ENPP6: variants seen among roughly 807,000 people sequenced by gnomAD.
ENPP6 encodes the protein glycerophosphocholine cholinephosphodiesterase ENPP6.
In ENPP6, 32 loss-of-function variants were observed where a neutral mutation model predicts 42.0. That is an observed-to-expected ratio of 0.76 (90% CI 0.58 to 1.02). ENPP6 has a LOEUF of 1.02. ENPP6 is among the 50% of genes least tolerant of loss of function. The pLI, the probability that ENPP6 is intolerant of heterozygous loss-of-function variation, is 0.00. For missense variants in ENPP6, 552 were observed against 566.8 expected, an observed-to-expected ratio of 0.97 and a Z score of 0.27; for synonymous variants, 213 against 216.0, an observed-to-expected ratio of 0.99 and a Z score of 0.12.
At chr4:184,186,766 G>A (rs761271829) in intron 1 of ENPP6, among the ~76,000 whole-genome samples, 22 of 152,148 alleles carry the variant, frequency 1.4e-4, no homozygotes, top group Non-Finnish European at 2.6e-4. Flanking sequence ...CATTTGCCCC[G>A]CCGTGGCCTG....
intron 1 of ENPP6, among the ~76,000 whole-genome samples, chr4:184,206,006 C>T (rs1208210463): frequency 1.3e-5 from 2 of 152,098 alleles, no homozygotes; most frequent in Non-Finnish European, 2.9e-5. Context: ...GACACTGTTC[C>T]AAACAGAAGC....
chr4:184,161,857 G>A (rs939457906), intron 1 of ENPP6, among the ~76,000 whole-genome samples: 5 of 150,754 alleles, frequency 3.3e-5, no homozygotes, highest in African/African-American at 4.9e-5. Flanking sequence ...TAAGAAAGAT[G>A]TAATGGACTT....
At chr4:184,206,326 C>G (rs2310002) in intron 1 of ENPP6, among the ~76,000 whole-genome samples, 3 of 106,414 alleles carry the variant, frequency 2.8e-5, no homozygotes, top group Admixed American at 1.1e-4. Context: ...GGCGCGATCT[C>G]GGCTCACTGC....
chr4:184,131,193 C>CTT lies in ENPP6; in HGVS notation c.422-6923_422-6922dup, dbSNP rs1560987243. Among the ~76,000 whole-genome samples the CTT allele has an allele frequency of 1.4e-4, 8 of 55,460 alleles. No individual in the cohort carries two copies. In the East Asian group the frequency reaches 2.1e-3, roughly 15 times the overall value. 36.4% of individuals were successfully genotyped at this position (55,460 alleles called of 152,430 possible). A position where few individuals can be genotyped will look rare whatever the true frequency, so the allele number is the denominator to read the frequency against. On this transcript the variant is annotated intron_variant, in intron 2 of 7. Transcript: ENST00000296741. ...TCTTTCTTTCTTTCTTTCTTTCTTTCTTTCTTTCTTCTTTCTTTCTTTCTT... is the reference window on the plus strand; with the variant it reads ...TCTTTCTTTCTTTCTTTCTTTCTTTCTTTTTCTTTCTTCTTTCTTTCTTTCTT...
chr4:184,150,610 G>A (rs1230819395), intron 2 of ENPP6, among the ~76,000 whole-genome samples: 1 of 152,262 alleles, frequency 6.6e-6, no homozygotes, highest in Admixed American at 6.5e-5. Context: ...AAATACTGCA[G>A]CTGCCCCCCA....
In ENPP6 at chr4:184,154,371, C is replaced by G. The variant is rs80146018; in HGVS notation, c.242-638G>C. 1.9e-3 allele frequency among the ~76,000 whole-genome samples: 288 copies of G among 152,286 alleles called. 2 individuals carry two copies. In the East Asian group the frequency reaches 0.036, roughly 19 times the overall value. On this transcript the variant is annotated intron_variant, in intron 1 of 7. Coordinates refer to ENST00000296741, the MANE Select transcript of ENPP6 (RefSeq NM_153343.4). Reference sequence around the variant, plus strand: ...ACAAGCCAGAAGTGAGAGACGCAAACGCTTGGACTCTTTTGAAACATTAGG... The same window carrying G: ...ACAAGCCAGAAGTGAGAGACGCAAAGGCTTGGACTCTTTTGAAACATTAGG...
chr4:184,123,602 C>T lies in ENPP6; in HGVS notation c.533+559G>A, dbSNP rs549223762. ...GACTGACTTCAGGCTTTGTCCTGAA[C>T]TGTCTTGATCAGTGTCCTTGACAGA... On this transcript the variant is annotated intron_variant, in intron 3 of 7. Transcript: ENST00000296741. Among the ~76,000 whole-genome samples the T allele has an allele frequency of 2.6e-5, 4 of 152,282 alleles. No homozygotes were observed. The East Asian group carries it at 5.8e-4, about 22-fold the overall frequency.
rs954147119 is a variant in ENPP6 at position 184,088,865 on chromosome 4, A to C, written c.*2312T>G. 11 of 152,238 alleles carry C rather than the reference A, an allele frequency of 7.2e-5. No homozygotes were observed. The highest frequency in any genetic ancestry group is 2.4e-4 in the African/African-American group (10 of 41,464). The allele number at this position is 152,238 out of a possible 1,614,324, so 9.4% of individuals were successfully genotyped here. Reference sequence around the variant, plus strand: ...CAAATATCTAAAGTTTTATTATGTAACTTGCAGATTTTCAGGACGAGTGAA... The same window carrying C: ...CAAATATCTAAAGTTTTATTATGTACCTTGCAGATTTTCAGGACGAGTGAA... On this transcript the variant is annotated 3_prime_UTR_variant, in exon 8 of 8. Transcript: ENST00000296741.
intron 6 of ENPP6, among the ~76,000 whole-genome samples, chr4:184,107,174 C>T (rs1020164971): frequency 6.6e-6 from 1 of 152,020 alleles, no homozygotes; most frequent in Admixed American, 6.5e-5. Context: ...TGATCTTCAT[C>T]CCCTGTGGGA....
At chr4:184,115,486 A>C (rs755006101) in intron 5 of ENPP6, among the ~76,000 whole-genome samples, 12 of 152,194 alleles carry the variant, frequency 7.9e-5, no homozygotes, top group Non-Finnish European at 1.5e-4. Flanking sequence ...TCCCTGGTGC[A>C]GGGCAGTGAC....
At chr4:184,194,011 G>A (rs186327954) in intron 1 of ENPP6, among the ~76,000 whole-genome samples, 4 of 152,180 alleles carry the variant, frequency 2.6e-5, no homozygotes, top group Non-Finnish European at 5.9e-5. Flanking sequence ...CTGTTGCCAC[G>A]GTCCCTGATA....
At chr4:184,202,780 C>T (rs1732925598) in intron 1 of ENPP6, among the ~76,000 whole-genome samples, 1 of 152,190 alleles carries the variant, frequency 6.6e-6, no homozygotes, top group Non-Finnish European at 1.5e-5. Flanking sequence ...TATTCTAAGA[C>T]AGACGTGGTG....
At chr4:184,100,890 C>G (rs531180425) in intron 6 of ENPP6, among the ~76,000 whole-genome samples, 2 of 152,276 alleles carry the variant, frequency 1.3e-5, no homozygotes. Flanking sequence ...GGGGTCGGGG[C>G]CACAGAGGTG....
In ENPP6 at chr4:184,097,416, G is replaced by A. The variant is rs376248197; in HGVS notation, c.994-48C>T. ...CATGACACTACGTCCTGACCGTGGCGCTGAGCGGGCATCTGCTCCAAGCCG... is the reference window on the plus strand; with the variant it reads ...CATGACACTACGTCCTGACCGTGGCACTGAGCGGGCATCTGCTCCAAGCCG... On this transcript the variant is annotated intron_variant, in intron 6 of 7. Coordinates refer to ENST00000296741, the MANE Select transcript of ENPP6 (RefSeq NM_153343.4). 10 of 1,605,660 alleles carry A rather than the reference G, an allele frequency of 6.2e-6. No homozygotes were observed. The African/African-American group carries it at 6.7e-5, about 11-fold the overall frequency.
chr4:184,168,596 C>T (rs1288926041), intron 1 of ENPP6, among the ~76,000 whole-genome samples: 1 of 152,248 alleles, frequency 6.6e-6, no homozygotes, highest in South Asian at 2.1e-4. Context: ...CCCGCCACTG[C>T]CCTCTGCTGG....
chr4:184,202,712 A>G (rs1465123461), intron 1 of ENPP6, among the ~76,000 whole-genome samples: 2 of 152,178 alleles, frequency 1.3e-5, no homozygotes, highest in African/African-American at 4.8e-5. Context: ...ATGAAGAGGA[A>G]ATCGGAGGGG....
intron 1 of ENPP6, among the ~76,000 whole-genome samples, chr4:184,205,449 G>C (rs993836293): frequency 1.3e-5 from 2 of 152,254 alleles, no homozygotes; most frequent in Admixed American, 6.5e-5. Context: ...GAGGAGCAGC[G>C]TGCTCAAGCA....
intron 7 of ENPP6, among the ~76,000 whole-genome samples, chr4:184,094,463 T>C (rs988718827): frequency 1.3e-5 from 2 of 152,256 alleles, no homozygotes; most frequent in African/African-American, 2.4e-5. Flanking sequence ...CGTGGCCTCC[T>C]GCTGCGCAGG....
intron 2 of ENPP6, among the ~76,000 whole-genome samples, chr4:184,131,242 T>TTCTTTC (rs1553996054): frequency 2.7e-5 from 1 of 36,938 alleles, no homozygotes; most frequent in African/African-American, 1.3e-4. Flanking sequence ...TTCCTTTTCT[T>TTCTTTC]TCTTTCTTTC....
Sources: gnomAD v4.1 joint callset for allele counts (sites outside exome capture counted in the v4.1 genomes callset) on GRCh38, gnomAD v4.1.1 for gene constraint, MANE v1.5 for transcripts, NCBI Gene and HGNC (gene_info 2026-07-23, HGNC 2026-07-21) for gene names.